OTULIN: variants seen among roughly 807,000 people sequenced by gnomAD.
The protein encoded by OTULIN is OTU deubiquitinase with linear linkage specificity, also known as ubiquitin thioesterase otulin.
In OTULIN, 15 loss-of-function variants were observed where a neutral mutation model predicts 39.6. The observed-to-expected ratio is 0.38, with a 90% CI of 0.25 to 0.58. The LOEUF (loss-of-function observed/expected upper bound fraction) is 0.58, where lower values mean the gene tolerates loss of function less well. OTULIN is among the 20% of genes least tolerant of loss of function. The pLI is 0.66. For missense variants in OTULIN, 319 were observed against 445.9 expected (o/e 0.72, Z 2.56); for synonymous variants, 156 against 170.3 (o/e 0.92, Z 0.65).
intron 4 of OTULIN, 53 bp downstream of exon 4, chr5:14,681,660 GA>G (rs1194518039): frequency 1.3e-6 from 2 of 1,556,030 alleles, no homozygotes; most frequent in Non-Finnish European, 1.7e-6. Context: ...ATTTTTGTGA[GA>G]AAACTTTCCC....
chr5:14,711,322 A>G, the OTULIN span: 1 of 1,611,226 alleles, frequency 6.2e-7, no homozygotes. Context: ...TAGACCAAAG[A>G]AGACTCATCA....
At chr5:14,715,157 G>A in the OTULIN span, among the ~76,000 whole-genome samples, 3 of 151,982 alleles carry the variant, frequency 2.0e-5, no homozygotes, top group East Asian at 3.9e-4. Flanking sequence ...TTGAGACGGA[G>A]TTTCACTCTT....
downstream of OTULIN, among the ~76,000 whole-genome samples, chr5:14,703,324 C>CAAAAAAA (rs59779015): frequency 6.6e-5 from 8 of 122,120 alleles, no homozygotes; most frequent in Non-Finnish European, 1.0e-4. Context: ...TTAATAGTGT[C>CAAAAAAA]AAAAAAAAAA....
chr5:14,708,119 A>G, the OTULIN span: 1 of 152,208 alleles, frequency 6.6e-6, no homozygotes, highest in East Asian at 1.9e-4. Context: ...GCCCTTTGCC[A>G]CTGAGATCCC....
chr5:14,680,796 C>T (rs1004568936), intron 3 of OTULIN, among the ~76,000 whole-genome samples: 4 of 152,224 alleles, frequency 2.6e-5, no homozygotes, highest in East Asian at 3.8e-4. Flanking sequence ...CGGTGGCTCA[C>T]GCCTGTAATC....
In OTULIN at chr5:14,681,670, C is replaced by G. The variant is rs749723052; in HGVS notation, c.468+63C>G. The G allele has an allele frequency of 2.0e-6, 3 of 1,524,362 alleles. No individual in the cohort carries two copies. The African/African-American group carries it at 4.1e-5, about 21-fold the overall frequency. The allele number at this position is 1,524,362 out of a possible 1,614,324, so 94.4% of individuals were successfully genotyped here. Reference sequence around the variant, plus strand: ...AAACAATTTTTGTGAGAAAACTTTCCCTTTCTGTCCATGCTACCTTCTAGT... The same window carrying G: ...AAACAATTTTTGTGAGAAAACTTTCGCTTTCTGTCCATGCTACCTTCTAGT... On this transcript the variant is annotated intron_variant, in intron 4 of 6. Transcript: ENST00000284274.
rs555528904 is a variant in OTULIN, at chr5:14,678,695, G to A, written c.244G>A (p.Val82Ile). Residue 82 changes from valine to isoleucine, a missense_variant, in exon 3 of 7, where the codon GTA (valine) becomes ATA (isoleucine). By Grantham distance (29) the Val-to-Ile change is conservative. Coordinates refer to ENST00000284274, the MANE Select transcript of OTULIN (RefSeq NM_138348.6). ...ERGASEPRLS[V>I]APEMDIMDYC... ...TTCTTTAACAGAACCGAGATTAAGC[G>A]TAGCTCCTGAAATGGATATCATGGA... 183 of 1,583,120 alleles carry A rather than the reference G, an allele frequency of 1.2e-4. 2 individuals carry two copies. The highest frequency in any genetic ancestry group is 9.7e-4 in the South Asian group (81 of 83,852).
At chr5:14,701,056 A>G (rs1452071263), downstream of OTULIN, among the ~76,000 whole-genome samples, 1 of 152,182 alleles carries the variant, frequency 6.6e-6, no homozygotes, top group Admixed American at 6.5e-5. Context: ...AGCCCTCCAT[A>G]GGAATTGTCC....
At chr5:14,702,601 G>A (rs529595890), downstream of OTULIN, among the ~76,000 whole-genome samples, 1 of 152,228 alleles carries the variant, frequency 6.6e-6, no homozygotes, top group South Asian at 2.1e-4. Context: ...ATGATAAAAA[G>A]CATGAGGAAA....
the OTULIN span, chr5:14,707,506 A>C: frequency 2.0e-5 from 3 of 152,204 alleles, no homozygotes; most frequent in East Asian, 5.8e-4. Context: ...TGTAATGATT[A>C]TTCCAACCAG....
At chr5:14,703,324 C>CAAAAAAAAAAAAAAAAAAA (rs59779015), downstream of OTULIN, among the ~76,000 whole-genome samples, 1 of 122,120 alleles carries the variant, frequency 8.2e-6, no homozygotes. Flanking sequence ...TTAATAGTGT[C>CAAAAAAAAAAAAAAAAAAA]AAAAAAAAAA....
At chr5:14,716,028 T>TTAAAG in the OTULIN span, among the ~76,000 whole-genome samples, 1,872 of 152,298 alleles carry the variant, frequency 0.012, 39 homozygotes, top group African/African-American at 0.042. Flanking sequence ...ACTTTTTAAA[T>TTAAAG]TAAAGTATTG....
chr5:14,711,153 C>T, the OTULIN span: 3 of 1,490,160 alleles, frequency 2.0e-6, no homozygotes, highest in Non-Finnish European at 2.8e-6. Flanking sequence ...GCCGAAGTGT[C>T]ATCCTGACTG....
the OTULIN span, among the ~76,000 whole-genome samples, chr5:14,715,832 A>C: frequency 6.6e-6 from 1 of 152,200 alleles, no homozygotes; most frequent in Admixed American, 6.5e-5. Context: ...ACCTCACACC[A>C]CTATATTGGC....
intron 4 of OTULIN, among the ~76,000 whole-genome samples, chr5:14,686,393 C>T (rs780000501): frequency 9.2e-5 from 14 of 152,192 alleles, no homozygotes; most frequent in East Asian, 1.9e-4. Context: ...CTCAAACTCC[C>T]GGGCTCAAGT....
At chr5:14,674,416 G>T (rs183654079) in intron 2 of OTULIN, among the ~76,000 whole-genome samples, 57 of 152,354 alleles carry the variant, frequency 3.7e-4, no homozygotes, top group South Asian at 1.4e-3. Context: ...TTCATTACCT[G>T]TGTAATGTAT....
intron 4 of OTULIN, among the ~76,000 whole-genome samples, chr5:14,684,993 C>G (rs553978384): frequency 1.8e-4 from 28 of 152,332 alleles, no homozygotes; most frequent in Admixed American, 1.6e-3. Flanking sequence ...TCCCAGTCTC[C>G]GTGTTTGGCT....
chr5:14,699,433 C>T lies in OTULIN; in HGVS notation c.*6385C>T, dbSNP rs1176146068. On this transcript the variant is annotated 3_prime_UTR_variant, in exon 7 of 7. Transcript: ENST00000284274. ...CATTAGACGGCAGTGCTAAGTCGGT[C>T]ATGTGCAGCAGAAAGACCTCCCCAC... 1 of 152,246 alleles carries T rather than the reference C, an allele frequency of 6.6e-6. No individual in the cohort carries two copies. The highest frequency in any genetic ancestry group is 1.5e-5 in the Non-Finnish European group (1 of 68,072). 9.4% of individuals were successfully genotyped at this position (152,246 alleles called of 1,614,324 possible). A position where few individuals can be genotyped will look rare whatever the true frequency, so the allele number is the denominator to read the frequency against.
Position 14,664,779 on chromosome 5 carries a change from C to A in OTULIN, c.-47C>A, listed in dbSNP as rs533416640. 7.0e-6 allele frequency: 8 copies of A among 1,148,068 alleles called. No individual in the cohort carries two copies. The highest frequency in any genetic ancestry group is 8.6e-6 in the Non-Finnish European group (8 of 932,826). The allele number at this position is 1,148,068 out of a possible 1,614,324, so 71.1% of individuals were successfully genotyped here. A position where few individuals can be genotyped will look rare whatever the true frequency, so the allele number is the denominator to read the frequency against. ...GCCTGGCACCCCGACGGGAGGGGCT[C>A]CGGATCGTTCGGAGCCGGCTGAACC... On this transcript the variant is annotated 5_prime_UTR_variant, in exon 1 of 7. Transcript: ENST00000284274.
Sources: allele counts gnomAD v4.1 joint callset (sites outside exome capture counted in the v4.1 genomes callset), GRCh38; gene constraint gnomAD v4.1.1; transcripts MANE v1.5; gene names NCBI Gene and HGNC (gene_info 2026-07-23, HGNC 2026-07-21).